Variants in GSAP observed in about 807,000 individuals in gnomAD.
GSAP encodes the protein gamma-secretase-activating protein.
GSAP carries 118 observed loss-of-function variants against 131.7 expected under a neutral mutation model. That is an observed-to-expected ratio of 0.90 (90% CI 0.77 to 1.04). The LOEUF is 1.04. GSAP is among the 50% of genes least tolerant of loss of function. GSAP has a pLI of 0.00. For synonymous variants in GSAP, 381 were observed against 363.4 expected (o/e 1.05, Z -0.55); for missense variants, 1,019 against 1,013.2 (o/e 1.01, Z -0.08).
At chr7:77,323,793 G>A in intron 23 of GSAP, 51 bp from the exon 24 acceptor site, 2 of 786,630 alleles carry the variant, frequency 2.5e-6, no homozygotes, top group East Asian at 2.6e-5. Flanking sequence ...ACTCATACCT[G>A]CAACTGGTTT....
At chr7:77,354,785 G>A (rs1045060650) in intron 16 of GSAP, among the ~76,000 whole-genome samples, 2 of 151,606 alleles carry the variant, frequency 1.3e-5, no homozygotes, top group African/African-American at 4.9e-5. Context: ...CAGAATGCAC[G>A]TGGAAGTACT....
intron 8 of GSAP, among the ~76,000 whole-genome samples, chr7:77,378,250 G>A (rs796985644): frequency 1.3e-5 from 2 of 152,248 alleles, no homozygotes; most frequent in African/African-American, 4.8e-5. Context: ...GGGAGGCCGA[G>A]GTAGGTGGAT....
chr7:77,364,808 G>C (rs753086250), intron 12 of GSAP, among the ~76,000 whole-genome samples: 1 of 152,178 alleles, frequency 6.6e-6, no homozygotes, highest in African/African-American at 2.4e-5. Context: ...GGGAAAAAAA[G>C]ACACAGCAAG....
rs1425141346 is a variant in GSAP at position 77,411,471 on chromosome 7, T to C, written c.109+4742A>G. Reference sequence around the variant, plus strand: ...ATAAGATCTATCTATTATAGTGCTATATACCAGCAATAGTTACAACATGTC... The same window carrying C: ...ATAAGATCTATCTATTATAGTGCTACATACCAGCAATAGTTACAACATGTC... On this transcript the variant is annotated intron_variant, in intron 1 of 30. Transcript: ENST00000257626. 3.9e-5 allele frequency among the ~76,000 whole-genome samples: 6 copies of C among 152,370 alleles called. No individual in the cohort carries two copies. The East Asian group carries it at 1.2e-3, about 29-fold the overall frequency.
Position 77,321,331 on chromosome 7 carries a change from ACAAGTGGAGAAC to A in GSAP, c.1984_1994+1del. On this transcript the variant is annotated splice_donor_variant and coding_sequence_variant, in exon 25 of 31. Coordinates refer to ENST00000257626, the MANE Select transcript of GSAP (RefSeq NM_017439.4). LOFTEE classifies it high-confidence loss of function. ...TGATAAAAGTGAGAAATACTTGCGT[ACAAGTGGAGAAC>A]CCAGGAATGAAGATTATGTTTCCTC... is the stretch of plus-strand genomic sequence containing the variant. The A allele has an allele frequency of 6.4e-7, 1 of 1,563,286 alleles. No homozygotes were observed. The highest frequency in any genetic ancestry group is 1.1e-5 in the South Asian group (1 of 90,012).
chr7:77,317,277 G>A (rs987663140), intron 26 of GSAP, among the ~76,000 whole-genome samples: 3 of 145,916 alleles, frequency 2.1e-5, no homozygotes, highest in African/African-American at 7.7e-5. Flanking sequence ...CCCAAGGACA[G>A]AAAACCAAAC....
At chr7:77,403,427 A>G (rs1209906012) in intron 3 of GSAP, among the ~76,000 whole-genome samples, 1 of 152,206 alleles carries the variant, frequency 6.6e-6, no homozygotes, top group Non-Finnish European at 1.5e-5. Context: ...TTTGTAATGG[A>G]TAAAGGACAT....
intron 22 of GSAP, 177 bp downstream of exon 22, chr7:77,328,429 C>G (rs955634440): frequency 2.2e-5 from 29 of 1,320,786 alleles, no homozygotes; most frequent in Non-Finnish European, 2.5e-5. Flanking sequence ...GGTCCTGGTG[C>G]CTAGACAGAC....
rs749767073 is a variant in GSAP at position 77,326,293 on chromosome 7, T to C, written c.1766-20A>G. 4.4e-6 allele frequency: 7 copies of C among 1,583,172 alleles called. No individual in the cohort carries two copies. In the East Asian group the frequency reaches 1.6e-4, roughly 35 times the overall value. On this transcript the variant is annotated intron_variant, in intron 22 of 30. Transcript: ENST00000257626. ...TTGGCCCTGAAATGAAACAGAGCAA[T>C]AGTTAGGCTCTGAGCAGTTTTCAGG...
chr7:77,370,495 C>T (rs1795961903), intron 12 of GSAP, among the ~76,000 whole-genome samples: 1 of 152,136 alleles, frequency 6.6e-6, no homozygotes, highest in African/African-American at 2.4e-5. Flanking sequence ...AAGCAAAGCA[C>T]CAGGGAAGAA....
At chr7:77,388,882 A>G (rs1041660502) in intron 5 of GSAP, among the ~76,000 whole-genome samples, 3 of 152,258 alleles carry the variant, frequency 2.0e-5, no homozygotes, top group Non-Finnish European at 2.9e-5. Context: ...GTGAGTTATT[A>G]TATTGAATCA....
intron 19 of GSAP, among the ~76,000 whole-genome samples, chr7:77,337,602 C>T (rs568112193): frequency 4.9e-4 from 74 of 152,198 alleles, no homozygotes; most frequent in Non-Finnish European, 9.1e-4. Context: ...GTAACACCCT[C>T]ACATCTGAGT....
chr7:77,311,268 A>C lies in GSAP; in HGVS notation c.*90T>G, dbSNP rs1794311137. On this transcript the variant is annotated 3_prime_UTR_variant, in exon 31 of 31. Coordinates refer to ENST00000257626, the MANE Select transcript of GSAP (RefSeq NM_017439.4). ...TTATGGCTAAACTATTTTTGTTACCAATTTTAAATATTGTTAAAGAATTCT... is the reference window on the plus strand; with the variant it reads ...TTATGGCTAAACTATTTTTGTTACCCATTTTAAATATTGTTAAAGAATTCT... 2.4e-6 allele frequency: 2 copies of C among 829,902 alleles called. No individual in the cohort carries two copies. The highest frequency in any genetic ancestry group is 4.1e-6 in the Non-Finnish European group (2 of 491,158). The allele number at this position is 829,902 out of a possible 1,614,324, so 51.4% of individuals were successfully genotyped here.
chr7:77,380,418 A>G (rs1219537460), intron 8 of GSAP, among the ~76,000 whole-genome samples: 2 of 152,212 alleles, frequency 1.3e-5, no homozygotes, highest in African/African-American at 4.8e-5. Flanking sequence ...TCAAAGAAAT[A>G]CATGTACCAA....
At chr7:77,315,016 A>G (rs2150586098) in intron 26 of GSAP, 1 of 152,974 alleles carries the variant, frequency 6.5e-6, no homozygotes, top group South Asian at 2.1e-4. Flanking sequence ...GTAAATTTAT[A>G]GGAATTCAAT....
At position 77,377,373 on chromosome 7, in the gene GSAP, G is replaced by A. The variant is rs769555317; in HGVS notation, c.594C>T (p.Gly198=). Residue 198 remains glycine (G), a synonymous_variant, in exon 9 of 31, where the codon GGC becomes GGT. Transcript: ENST00000257626. ...DGNRVVIKNS[G]HLPRDRIAED... is the part of the protein sequence containing the mutation. ...CAGCTATTCTGTCTCTTGGGAGATG[G>A]CCAGAATTTTTAATCACCTAAAAAT... 3 of 1,540,326 alleles carry A rather than the reference G, an allele frequency of 1.9e-6. No individual in the cohort carries two copies. The highest frequency in any genetic ancestry group is 2.6e-6 in the Non-Finnish European group (3 of 1,153,320).
chr7:77,366,250 T>C (rs1401684924), intron 12 of GSAP, among the ~76,000 whole-genome samples: 1 of 152,064 alleles, frequency 6.6e-6, no homozygotes, highest in Non-Finnish European at 1.5e-5. Flanking sequence ...TCGATCCCAT[T>C]TGTCAATTTT....
intron 12 of GSAP, among the ~76,000 whole-genome samples, chr7:77,362,876 A>C (rs1259654215): frequency 6.6e-6 from 1 of 152,220 alleles, no homozygotes; most frequent in Non-Finnish European, 1.5e-5. Flanking sequence ...ATATTGTGGC[A>C]GGCTATTGAA....
At chr7:77,371,947 T>C (rs1460389496) in intron 12 of GSAP, among the ~76,000 whole-genome samples, 2 of 152,226 alleles carry the variant, frequency 1.3e-5, no homozygotes, top group Admixed American at 6.5e-5. Context: ...AAGGGAGACA[T>C]ACAGTAGTTA....
Sources: allele counts gnomAD v4.1 joint callset (sites outside exome capture counted in the v4.1 genomes callset), GRCh38; gene constraint gnomAD v4.1.1; transcripts MANE v1.5; gene names NCBI Gene and HGNC (gene_info 2026-07-23, HGNC 2026-07-21).